ALDH1A2: variants seen among roughly 807,000 people sequenced by gnomAD.
ALDH1A2 encodes the protein retinal dehydrogenase 2.
In ALDH1A2, 27 loss-of-function variants were observed where a neutral mutation model predicts 60.3. That is an observed-to-expected ratio of 0.45 (90% CI 0.33 to 0.62). ALDH1A2 has a LOEUF of 0.62. Ranked by LOEUF, ALDH1A2 falls within the 20% of genes least tolerant of loss-of-function variation. The pLI, the probability that ALDH1A2 is intolerant of heterozygous loss-of-function variation, is 0.02. For missense variants in ALDH1A2, 581 were observed against 643.8 expected (o/e 0.90, Z 1.06); for synonymous variants, 289 against 232.4 (o/e 1.24, Z -2.21).
At chr15:58,061,045 C>G (rs1448689028) in intron 1 of ALDH1A2, among the ~76,000 whole-genome samples, 1 of 152,130 alleles carries the variant, frequency 6.6e-6, no homozygotes, top group Non-Finnish European at 1.5e-5. Flanking sequence ...TCAGAGAATC[C>G]TCTACTCTGA....
chr15:58,061,679 T>C (rs1196818397), intron 1 of ALDH1A2, among the ~76,000 whole-genome samples: 2 of 144,382 alleles, frequency 1.4e-5, no homozygotes, highest in Non-Finnish European at 1.5e-5. Flanking sequence ...AAAAAGTGTA[T>C]GGTGATGAAA....
chr15:57,972,049 C>T (rs79140857), intron 7 of ALDH1A2, among the ~76,000 whole-genome samples: 1,665 of 152,258 alleles, frequency 0.011, 28 homozygotes, highest in African/African-American at 0.038. Context: ...GTTGATTGAG[C>T]ACCTATTCTG....
intron 5 of ALDH1A2, among the ~76,000 whole-genome samples, chr15:57,994,046 T>C (rs549893267): frequency 1.5e-4 from 23 of 152,334 alleles, no homozygotes; most frequent in African/African-American, 4.8e-4. Flanking sequence ...AGTGCAGTAA[T>C]TGAGCCAGAG....
At chr15:58,013,578 C>T (rs963272324) in intron 3 of ALDH1A2, among the ~76,000 whole-genome samples, 2 of 151,978 alleles carry the variant, frequency 1.3e-5, no homozygotes, top group Non-Finnish European at 2.9e-5. Context: ...ATAGTGAAAC[C>T]CCGTCTCTAC....
intron 1 of ALDH1A2, among the ~76,000 whole-genome samples, chr15:58,016,256 G>A (rs1455652947): frequency 6.6e-6 from 1 of 151,358 alleles, no homozygotes; most frequent in Non-Finnish European, 1.5e-5. Context: ...TGATTCTGCT[G>A]CCTCAGCCTC....
chr15:58,017,639 T>C (rs1595669735), intron 1 of ALDH1A2, among the ~76,000 whole-genome samples: 2 of 152,166 alleles, frequency 1.3e-5, no homozygotes, highest in African/African-American at 4.8e-5. Flanking sequence ...TAGGTTCATA[T>C]ACGACAGCTC....
chr15:58,016,229 G>C (rs1895785901), intron 1 of ALDH1A2, among the ~76,000 whole-genome samples: 1 of 150,374 alleles, frequency 6.7e-6, no homozygotes, highest in African/African-American at 2.5e-5. Flanking sequence ...TGCAACCTCT[G>C]CCGCCCGGGG....
intron 1 of ALDH1A2, among the ~76,000 whole-genome samples, chr15:58,058,276 G>A (rs1010279861): frequency 1.3e-5 from 2 of 151,860 alleles, no homozygotes; most frequent in Non-Finnish European, 2.9e-5. Flanking sequence ...GTGACAGGTG[G>A]GGAAAAGGGG....
At chr15:58,045,092 G>C (rs1566959402) in intron 1 of ALDH1A2, among the ~76,000 whole-genome samples, 1 of 152,072 alleles carries the variant, frequency 6.6e-6, no homozygotes, top group Admixed American at 6.5e-5. Flanking sequence ...CAAAGCATAT[G>C]AACAGAGACT....
intron 7 of ALDH1A2, among the ~76,000 whole-genome samples, chr15:57,968,243 T>C (rs1326548110): frequency 6.6e-6 from 1 of 152,240 alleles, no homozygotes; most frequent in Non-Finnish European, 1.5e-5. Context: ...CCAGTATTTA[T>C]TGAGTAGTCT....
chr15:58,009,513 T>C (rs1413215288), intron 4 of ALDH1A2, among the ~76,000 whole-genome samples: 7 of 151,426 alleles, frequency 4.6e-5, no homozygotes, highest in African/African-American at 1.7e-4. Context: ...CCTGCTACTA[T>C]GCACTCTCCA....
At chr15:58,041,447 A>G (rs1210036941) in intron 1 of ALDH1A2, among the ~76,000 whole-genome samples, 3 of 151,850 alleles carry the variant, frequency 2.0e-5, no homozygotes, top group African/African-American at 4.8e-5. Flanking sequence ...ATAACAAAAT[A>G]CCATCAACTT....
At chr15:58,046,826 A>G (rs1896650735) in intron 1 of ALDH1A2, among the ~76,000 whole-genome samples, 1 of 152,096 alleles carries the variant, frequency 6.6e-6, no homozygotes, top group Non-Finnish European at 1.5e-5. Context: ...CAAAGGATAT[A>G]GTAAATCATG....
At chr15:57,983,468 C>A (rs557111437) in intron 7 of ALDH1A2, among the ~76,000 whole-genome samples, 1 of 152,162 alleles carries the variant, frequency 6.6e-6, no homozygotes, top group Non-Finnish European at 1.5e-5. Context: ...GCCTTAAATT[C>A]TTGCCAGTTG....
intron 9 of ALDH1A2, among the ~76,000 whole-genome samples, chr15:57,963,090 C>T (rs1026722316): frequency 6.6e-6 from 1 of 152,160 alleles, no homozygotes. Flanking sequence ...TCACTTCCTA[C>T]ACTTTCACAA....
chr15:58,056,986 A>G (rs1285823452), intron 1 of ALDH1A2, among the ~76,000 whole-genome samples: 1 of 152,154 alleles, frequency 6.6e-6, no homozygotes, highest in African/African-American at 2.4e-5. Context: ...GGAAACTAGT[A>G]TAACTATGTT....
chr15:58,001,147 A>G (rs1162504943), intron 4 of ALDH1A2, among the ~76,000 whole-genome samples: 2 of 151,780 alleles, frequency 1.3e-5, no homozygotes, highest in Admixed American at 6.6e-5. Flanking sequence ...AAATAGAGCA[A>G]CTATCATTAT....
chr15:58,059,460 T>C (rs1396841976), intron 1 of ALDH1A2, among the ~76,000 whole-genome samples: 2 of 152,186 alleles, frequency 1.3e-5, no homozygotes, highest in Non-Finnish European at 2.9e-5. Context: ...TTCTTCGTTT[T>C]TAAATTATAT....
chr15:58,023,658 G>GAAAAAA (rs57467358), intron 1 of ALDH1A2, among the ~76,000 whole-genome samples: 1 of 129,424 alleles, frequency 7.7e-6, no homozygotes, highest in Non-Finnish European at 1.6e-5. Flanking sequence ...AAAGTGCTGG[G>GAAAAAA]AAAAAAAAAA....
Sources: allele counts gnomAD v4.1 joint callset (sites outside exome capture counted in the v4.1 genomes callset), GRCh38; gene constraint gnomAD v4.1.1; transcripts MANE v1.5; gene names NCBI Gene and HGNC (gene_info 2026-07-23, HGNC 2026-07-21).